The following ATXN10 variants were observed in gnomAD, a reference collection of about 807,000 sequenced individuals.
ATXN10 encodes the protein ataxin 10, also known as ataxin-10.
A neutral mutation model predicts 52.9 loss-of-function variants in ATXN10; 28 were observed. That is an observed-to-expected ratio of 0.53 (90% CI 0.39 to 0.73). ATXN10 has a LOEUF of 0.73. ATXN10 is among the 30% of genes least tolerant of loss of function. The pLI, the probability that ATXN10 is intolerant of heterozygous loss-of-function variation, is 0.00. For synonymous variants in ATXN10, 226 were observed against 221.5 expected (o/e 1.02, Z -0.18); for missense variants, 565 against 577.0 (o/e 0.98, Z 0.21).
At chr22:45,691,358 C>T (rs12160004) in intron 2 of ATXN10, among the ~76,000 whole-genome samples, 1,942 of 152,330 alleles carry the variant, frequency 0.013, 33 homozygotes, top group African/African-American at 0.045. Context: ...TTGAGCCTGC[C>T]TTCGGCATTG....
In ATXN10 at chr22:45,684,837, G is replaced by A. The variant is rs1479350636; in HGVS notation, c.117-4875G>A. Reference sequence around the variant, plus strand: ...ATTTTACCCTAGGCTGTTTGTGGCAGGAGATACAGATGTTTTTATTTTCTG... The same window carrying A: ...ATTTTACCCTAGGCTGTTTGTGGCAAGAGATACAGATGTTTTTATTTTCTG... On this transcript the variant is annotated intron_variant, in intron 1 of 11. Transcript: ENST00000252934. The surrounding 1 kb of genome is among the most constrained non-coding windows in gnomAD (Gnocchi z 4.1). Among the ~76,000 whole-genome samples the A allele has an allele frequency of 6.6e-6, 1 of 152,194 alleles. No homozygotes were observed. The highest frequency in any genetic ancestry group is 2.4e-5 in the African/African-American group (1 of 41,438).
In ATXN10 at chr22:45,818,158, G is replaced by A. The variant is rs1181421739; in HGVS notation, c.1237+11136G>A. Among the ~76,000 whole-genome samples, 1 of 152,166 alleles carries A rather than the reference G, an allele frequency of 6.6e-6. No individual in the cohort carries two copies. The highest frequency in any genetic ancestry group is 2.4e-5 in the African/African-American group (1 of 41,444). ...TTGTCTACTCAGCTTTTGGTTTTGTGCCTCTCATTTTCTTACACCTCCAGA... is the reference window on the plus strand; with the variant it reads ...TTGTCTACTCAGCTTTTGGTTTTGTACCTCTCATTTTCTTACACCTCCAGA... On this transcript the variant is annotated intron_variant, in intron 10 of 11. Transcript: ENST00000252934. The surrounding 1 kb of genome is among the most constrained non-coding windows in gnomAD (Gnocchi z 4.6).
intron 2 of ATXN10, among the ~76,000 whole-genome samples, chr22:45,691,791 G>C (rs1472945339): frequency 6.6e-6 from 1 of 152,194 alleles, no homozygotes; most frequent in Admixed American, 6.5e-5. Context: ...TACTCTGGAG[G>C]CTGAGGCAGG....
At chr22:45,711,949 G>A (rs1475855138) in intron 5 of ATXN10, among the ~76,000 whole-genome samples, 1 of 152,120 alleles carries the variant, frequency 6.6e-6, no homozygotes. Context: ...GTGATTTTGT[G>A]TATACGTGTA....
At chr22:45,829,569 G>T (rs76520881) in intron 10 of ATXN10, among the ~76,000 whole-genome samples, 1 of 152,148 alleles carries the variant, frequency 6.6e-6, no homozygotes, top group Admixed American at 6.5e-5. Flanking sequence ...ACAAAAATCA[G>T]TTGCATTCTA....
rs1255813336 is a variant in ATXN10 at position 45,759,673 on chromosome 22, T to C, written c.1173+19135T>C. ...CCAGAGGCCAGTTTACCAAGCTGCA[T>C]CAGCTCCTCCCTCCCAGCCACCCTG... On this transcript the variant is annotated intron_variant, in intron 9 of 11. Transcript: ENST00000252934. This position sits in a 1 kb window ranked among gnomAD's most constrained non-coding sequence, Gnocchi z 5.4. Among the ~76,000 whole-genome samples the C allele has an allele frequency of 3.3e-5, 5 of 152,074 alleles. No homozygotes were observed. The highest frequency in any genetic ancestry group is 1.2e-4 in the African/African-American group (5 of 41,432).
Position 45,766,678 on chromosome 22 carries a change from G to A in ATXN10, c.1173+26140G>A, listed in dbSNP as rs1405146388. Among the ~76,000 whole-genome samples the A allele has an allele frequency of 6.8e-6, 1 of 147,332 alleles. No individual in the cohort carries two copies. Among genetic ancestry groups the A allele is most frequent in the African/African-American group, 2.7e-5 (1 of 36,900 alleles). On this transcript the variant is annotated intron_variant, in intron 9 of 11. Transcript: ENST00000252934. This position sits in a 1 kb window ranked among gnomAD's most constrained non-coding sequence, Gnocchi z 4.6. ...TAAGAGAAAAGGTTGATAAATTTAA[G>A]TACATTTTTAAAAAGTTGGATGACA...
At chr22:45,672,327 C>A in intron 1 of ATXN10, 148 bp downstream of exon 1, 2 of 873,472 alleles carry the variant, frequency 2.3e-6, no homozygotes, top group Non-Finnish European at 2.9e-6. Flanking sequence ...GCCACCCAGG[C>A]CTCCCGACTC....
chr22:45,782,455 T>G (rs1680431242), intron 9 of ATXN10, among the ~76,000 whole-genome samples: 1 of 152,196 alleles, frequency 6.6e-6, no homozygotes, highest in Non-Finnish European at 1.5e-5. Flanking sequence ...TGGTATTCAT[T>G]CAGCGGAATA....
Position 45,733,352 on chromosome 22 carries a change from C to A in ATXN10, c.894+3762C>A, listed in dbSNP as rs1179055829. Among the ~76,000 whole-genome samples, 1 of 152,134 alleles carries A rather than the reference C, an allele frequency of 6.6e-6. No homozygotes were observed. Among genetic ancestry groups the A allele is most frequent in the Non-Finnish European group, 1.5e-5 (1 of 68,010 alleles). Reference sequence around the variant, plus strand: ...TACAATAAATAGTGTATTTTTTCCACATATTAAGGGCTTAAATTTTTGTAT... The same window carrying A: ...TACAATAAATAGTGTATTTTTTCCAAATATTAAGGGCTTAAATTTTTGTAT... On this transcript the variant is annotated intron_variant, in intron 7 of 11. Transcript: ENST00000252934. This position sits in a 1 kb window ranked among gnomAD's most constrained non-coding sequence, Gnocchi z 4.4.
At position 45,775,146 on chromosome 22, in the gene ATXN10, C is replaced by T. The variant is rs2146845964; in HGVS notation, c.1174-31813C>T. On this transcript the variant is annotated intron_variant, in intron 9 of 11. Transcript: ENST00000252934. This position sits in a 1 kb window ranked among gnomAD's most constrained non-coding sequence, Gnocchi z 4.7. ...TTGGTCTGGGGCCTTCTTTGAGAAA[C>T]ACTGGCCCTCAGTCCTTACCACTCC... 6.6e-6 allele frequency among the ~76,000 whole-genome samples: 1 copy of T among 152,274 alleles called. No homozygotes were observed. Among genetic ancestry groups the T allele is most frequent in the East Asian group, 1.9e-4 (1 of 5,184 alleles).
chr22:45,773,549 C>G lies in ATXN10; in HGVS notation c.1173+33011C>G, dbSNP rs377473813. Among the ~76,000 whole-genome samples the G allele has an allele frequency of 7.2e-5, 11 of 152,190 alleles. No homozygotes were observed. In the South Asian group the frequency reaches 1.9e-3, roughly 26 times the overall value. ...TCTCGGCTCACTGCAACCTCCACCT[C>G]CCAGGTTCAAGCGATTCTCCTGCCT... On this transcript the variant is annotated intron_variant, in intron 9 of 11. Coordinates refer to ENST00000252934, the MANE Select transcript of ATXN10 (RefSeq NM_013236.4).
rs147317456 is a variant in ATXN10, at chr22:45,747,938, C to T, written c.1173+7400C>T. On this transcript the variant is annotated intron_variant, in intron 9 of 11. Transcript: ENST00000252934. ...TCTCTAAAAAAATAAAATAAATAGC[C>T]GGTATTTCCAGTTACTTGGTGGGGC... Among the ~76,000 whole-genome samples the T allele has an allele frequency of 1.9e-4, 29 of 151,248 alleles. No homozygotes were observed. In the East Asian group the frequency reaches 4.5e-3, roughly 24 times the overall value.
At position 45,819,724 on chromosome 22, in the gene ATXN10, A is replaced by G. The variant is rs908599763; in HGVS notation, c.1237+12702A>G. ...ATACATTATTATTATCATTTAATGT[A>G]TGTATTTTCTTATGAAGTTAATTAT... On this transcript the variant is annotated intron_variant, in intron 10 of 11. Coordinates refer to ENST00000252934, the MANE Select transcript of ATXN10 (RefSeq NM_013236.4). This position sits in a 1 kb window ranked among gnomAD's most constrained non-coding sequence, Gnocchi z 4.5. Among the ~76,000 whole-genome samples, 1 of 152,176 alleles carries G rather than the reference A, an allele frequency of 6.6e-6. No homozygotes were observed. The highest frequency in any genetic ancestry group is 1.5e-5 in the Non-Finnish European group (1 of 68,044).
rs145414860 is a variant in ATXN10 at position 45,771,869 on chromosome 22, C to T, written c.1173+31331C>T. ...AATTCCTTGGGCTCAAGCCATCCTC[C>T]TGCTTTGGCCTCCTGAGGAGCTGAG... On this transcript the variant is annotated intron_variant, in intron 9 of 11. Transcript: ENST00000252934. 4.9e-3 allele frequency among the ~76,000 whole-genome samples: 743 copies of T among 152,342 alleles called. 3 individuals carry two copies. Among genetic ancestry groups the T allele is most frequent in the Middle Eastern group, 6.8e-3 (2 of 294 alleles).
At chr22:45,746,453 T>C (rs1468334763) in intron 9 of ATXN10, among the ~76,000 whole-genome samples, 1 of 152,154 alleles carries the variant, frequency 6.6e-6, no homozygotes, top group Non-Finnish European at 1.5e-5. Flanking sequence ...TTAGTACCTG[T>C]TTTGTACATC....
In ATXN10 at chr22:45,754,278, C is replaced by T. The variant is rs1270806170; in HGVS notation, c.1173+13740C>T. 1.3e-5 allele frequency among the ~76,000 whole-genome samples: 2 copies of T among 152,212 alleles called. No homozygotes were observed. Among genetic ancestry groups the T allele is most frequent in the Admixed American group, 1.3e-4 (2 of 15,280 alleles). On this transcript the variant is annotated intron_variant, in intron 9 of 11. Coordinates refer to ENST00000252934, the MANE Select transcript of ATXN10 (RefSeq NM_013236.4). The surrounding 1 kb of genome is among the most constrained non-coding windows in gnomAD (Gnocchi z 5.4). The stretch of plus-strand genomic sequence containing the variant: ...AATTCTAGGATATTCTTGCTTTCTA[C>T]CCAGGCAACACCTCACATGTTGACT...
chr22:45,677,162 A>G lies in ATXN10; in HGVS notation c.116+4983A>G, dbSNP rs1177809950. ...TTGAGTATTCTTGAAATAATGGAAC[A>G]TTTGGATGCTGCTTTCTATAAATTC... On this transcript the variant is annotated intron_variant, in intron 1 of 11. Coordinates refer to ENST00000252934, the MANE Select transcript of ATXN10 (RefSeq NM_013236.4). This position sits in a 1 kb window ranked among gnomAD's most constrained non-coding sequence, Gnocchi z 4.1. 1 of 152,212 alleles carries G rather than the reference A, an allele frequency of 6.6e-6. No individual in the cohort carries two copies. The highest frequency in any genetic ancestry group is 1.9e-4 in the East Asian group (1 of 5,202). The allele number at this position is 152,212 out of a possible 1,614,324, so 9.4% of individuals were successfully genotyped here. A position where few individuals can be genotyped will look rare whatever the true frequency, so the allele number is the denominator to read the frequency against.
chr22:45,832,738 C>T (rs1003926125), intron 10 of ATXN10, among the ~76,000 whole-genome samples: 16 of 152,212 alleles, frequency 1.1e-4, no homozygotes, highest in South Asian at 2.1e-4. Context: ...CTTGCTCCAA[C>T]GCCAGTCTAA....
Sources: gnomAD v4.1 joint callset for allele counts (sites outside exome capture counted in the v4.1 genomes callset) on GRCh38, gnomAD v4.1.1 for gene constraint, Gnocchi (gnomAD v3.1) non-coding constraint, MANE v1.5 for transcripts, NCBI Gene and HGNC (gene_info 2026-07-23, HGNC 2026-07-21) for gene names.